Variants in SLC24A2 observed in about 807,000 individuals in gnomAD.
SLC24A2 encodes the protein solute carrier family 24 member 2.
Under a neutral mutation model 62.0 loss-of-function variants are expected in SLC24A2, and 36 were observed. The ratio of observed to expected loss-of-function variants is 0.58; its 90% CI spans 0.44 to 0.77. SLC24A2 has a LOEUF of 0.77. Ranked by LOEUF, SLC24A2 falls within the 30% of genes least tolerant of loss-of-function variation. The pLI, the probability that SLC24A2 is intolerant of heterozygous loss-of-function variation, is 0.00. For synonymous variants in SLC24A2, 358 were observed against 294.0 expected, an observed-to-expected ratio of 1.22 and a Z score of -2.23; for missense variants, 846 against 817.9, an observed-to-expected ratio of 1.03 and a Z score of -0.42.
the SLC24A2 span, among the ~76,000 whole-genome samples, chr9:20,215,667 A>G: frequency 6.6e-6 from 1 of 152,164 alleles, no homozygotes; most frequent in Non-Finnish European, 1.5e-5. Flanking sequence ...TATTTCTATC[A>G]GTAAGCTGAT....
the SLC24A2 span, among the ~76,000 whole-genome samples, chr9:19,969,419 G>C: frequency 6.6e-6 from 1 of 152,118 alleles, no homozygotes; most frequent in East Asian, 1.9e-4. Context: ...CTGAAAGTCT[G>C]AGTCTCATGC....
At chr9:19,640,449 C>T (rs1170300771) in intron 2 of SLC24A2, among the ~76,000 whole-genome samples, 1 of 152,120 alleles carries the variant, frequency 6.6e-6, no homozygotes, top group Admixed American at 6.5e-5. Context: ...TTTATGTTTT[C>T]TGACCACAAA....
chr9:20,059,038 A>G, the SLC24A2 span, among the ~76,000 whole-genome samples: 3 of 152,332 alleles, frequency 2.0e-5, no homozygotes, highest in African/African-American at 7.2e-5. Context: ...AGGCAAGACT[A>G]TATAGTTAAT....
intron 4 of SLC24A2, among the ~76,000 whole-genome samples, chr9:19,603,283 G>A (rs1043638515): frequency 2.6e-5 from 4 of 152,056 alleles, no homozygotes; most frequent in African/African-American, 7.2e-5. Flanking sequence ...ACAAAATCAA[G>A]CAAAAGGTAC....
intron 9 of SLC24A2, among the ~76,000 whole-genome samples, chr9:19,524,137 CAAAAAAAAAA>C (rs57173482): frequency 3.5e-5 from 3 of 84,712 alleles, no homozygotes; most frequent in South Asian, 1.1e-3. Context: ...ACTTCATTTT[CAAAAAAAAAA>C]AAAAAAAAAA....
At chr9:19,954,010 G>A in the SLC24A2 span, among the ~76,000 whole-genome samples, 345 of 151,350 alleles carry the variant, frequency 2.3e-3, 7 homozygotes, top group East Asian at 0.06. Context: ...TTAGTTCACC[G>A]TAGTTCCCTG....
At chr9:20,204,497 T>G in the SLC24A2 span, among the ~76,000 whole-genome samples, 1 of 152,190 alleles carries the variant, frequency 6.6e-6, no homozygotes, top group South Asian at 2.1e-4. Context: ...TGCTAAAATA[T>G]TCAAAGTGTT....
chr9:19,967,090 C>T, the SLC24A2 span: 1 of 152,032 alleles, frequency 6.6e-6, no homozygotes, highest in African/African-American at 2.4e-5. Flanking sequence ...TATATATTTA[C>T]CATGACCTTG....
intron 5 of SLC24A2, among the ~76,000 whole-genome samples, chr9:19,585,617 T>C (rs1306288587): frequency 6.6e-6 from 1 of 152,246 alleles, no homozygotes; most frequent in Non-Finnish European, 1.5e-5. Context: ...GTATACTGAA[T>C]CATGCATATC....
At chr9:20,003,759 G>A in the SLC24A2 span, among the ~76,000 whole-genome samples, 32 of 152,066 alleles carry the variant, frequency 2.1e-4, no homozygotes, top group Non-Finnish European at 4.1e-4. Context: ...GGATGTAGCT[G>A]TATTCCAATA....
At chr9:19,710,270 A>G (rs1820675382) in intron 2 of SLC24A2, among the ~76,000 whole-genome samples, 3 of 152,184 alleles carry the variant, frequency 2.0e-5, no homozygotes, top group African/African-American at 7.2e-5. Flanking sequence ...GATCCCAGAC[A>G]TGTTTCCTTA....
At chr9:19,672,395 G>A (rs1160837307) in intron 2 of SLC24A2, among the ~76,000 whole-genome samples, 1 of 146,132 alleles carries the variant, frequency 6.8e-6, no homozygotes, top group African/African-American at 2.7e-5. Context: ...AATAGCTCCT[G>A]TTTTGTTTCT....
At chr9:20,221,210 G>C in the SLC24A2 span, among the ~76,000 whole-genome samples, 1 of 152,040 alleles carries the variant, frequency 6.6e-6, no homozygotes, top group African/African-American at 2.4e-5. Context: ...GTGTCAGGGT[G>C]GGGGGTGCAA....
At chr9:19,721,721 T>C (rs2383117) in intron 2 of SLC24A2, among the ~76,000 whole-genome samples, 140,955 of 152,150 alleles carry the variant, frequency 0.93, 65,951 homozygotes, top group Non-Finnish European at 1. Flanking sequence ...AACAGTTCTA[T>C]GGTCCTCCTA....
intron 2 of SLC24A2, among the ~76,000 whole-genome samples, chr9:19,783,069 A>G (rs1344787650): frequency 6.6e-6 from 1 of 152,224 alleles, no homozygotes; most frequent in Admixed American, 6.5e-5. Flanking sequence ...TGCTTTAACT[A>G]TGAAAAATAA....
the SLC24A2 span, among the ~76,000 whole-genome samples, chr9:20,090,158 T>C: frequency 6.6e-6 from 1 of 152,132 alleles, no homozygotes; most frequent in African/African-American, 2.4e-5. Context: ...CTGCTCATTA[T>C]TACCAGGGAG....
At chr9:19,733,131 G>A (rs887131148) in intron 2 of SLC24A2, among the ~76,000 whole-genome samples, 5 of 150,874 alleles carry the variant, frequency 3.3e-5, no homozygotes, top group Admixed American at 6.6e-5. Context: ...CTTCTGGATG[G>A]TATCTTGGTC....
intron 2 of SLC24A2, among the ~76,000 whole-genome samples, chr9:19,779,409 G>C (rs972759222): frequency 6.6e-6 from 1 of 152,212 alleles, no homozygotes; most frequent in African/African-American, 2.4e-5. Context: ...ATGGATGGTA[G>C]TCTTTCAACA....
chr9:19,737,556 G>A (rs1821545944), intron 2 of SLC24A2, among the ~76,000 whole-genome samples: 1 of 151,828 alleles, frequency 6.6e-6, no homozygotes, highest in African/African-American at 2.4e-5. Context: ...ACTACTAACA[G>A]TAATGATTTA....
Sources: allele counts gnomAD v4.1 joint callset (sites outside exome capture counted in the v4.1 genomes callset), GRCh38; gene constraint gnomAD v4.1.1; transcripts MANE v1.5; gene names NCBI Gene and HGNC (gene_info 2026-07-23, HGNC 2026-07-21).